The following B3GNT2 variants were observed in gnomAD, a reference collection of about 807,000 sequenced individuals.
B3GNT2 encodes the protein N-acetyllactosaminide beta-1,3-N-acetylglucosaminyltransferase 2.
A neutral mutation model predicts 27.6 loss-of-function variants in B3GNT2; 12 were observed. The ratio of observed to expected loss-of-function variants is 0.44; its 90% CI spans 0.28 to 0.71. The LOEUF is 0.71. Among genes scored for constraint, B3GNT2 ranks in the 30% least tolerant of loss-of-function variants. The pLI, the probability that B3GNT2 is intolerant of heterozygous loss-of-function variation, is 0.17. For missense variants in B3GNT2, 413 were observed against 488.5 expected (o/e 0.85, Z 1.46); for synonymous variants, 192 against 189.7 (o/e 1.01, Z -0.10).
intron 1 of B3GNT2, among the ~76,000 whole-genome samples, chr2:62,206,989 A>G (rs1674387887): frequency 6.6e-6 from 1 of 152,232 alleles, no homozygotes; most frequent in African/African-American, 2.4e-5. Flanking sequence ...TACTTAAAAT[A>G]CAATGTCATT....
At chr2:62,196,690 C>G (rs1203930209) in intron 1 of B3GNT2, among the ~76,000 whole-genome samples, 2 of 152,232 alleles carry the variant, frequency 1.3e-5, no homozygotes, top group African/African-American at 4.8e-5. Context: ...CCCTGGAGCC[C>G]GGGGACCTTC....
At position 62,224,021 on chromosome 2, in the gene B3GNT2, T is replaced by G. The variant is rs761826180; in HGVS notation, c.*607T>G. Reference sequence around the variant, plus strand: ...CAAAATGAGAATCATGGTGTGACACTCATCTAATTTATCTTGTTGTGATGT... The same window carrying G: ...CAAAATGAGAATCATGGTGTGACACGCATCTAATTTATCTTGTTGTGATGT... On this transcript the variant is annotated 3_prime_UTR_variant, in exon 2 of 2. Transcript: ENST00000301998. The G allele has an allele frequency of 1.2e-5, 2 of 167,178 alleles. No individual in the cohort carries two copies. The highest frequency in any genetic ancestry group is 6.5e-5 in the Admixed American group (1 of 15,294). The allele number at this position is 167,178 out of a possible 1,614,324, so 10.4% of individuals were successfully genotyped here.
At chr2:62,196,999 A>T (rs1263794368) in intron 1 of B3GNT2, among the ~76,000 whole-genome samples, 2 of 150,330 alleles carry the variant, frequency 1.3e-5, no homozygotes, top group African/African-American at 2.4e-5. Flanking sequence ...GGTTTCTGCC[A>T]AACTTAGGGA....
intron 1 of B3GNT2, among the ~76,000 whole-genome samples, chr2:62,219,104 A>G (rs1353794677): frequency 1.3e-5 from 2 of 152,170 alleles, no homozygotes; most frequent in Admixed American, 1.3e-4. Flanking sequence ...AACTTGTTAA[A>G]TTATCTGGAG....
At chr2:62,206,587 A>G (rs1163708151) in intron 1 of B3GNT2, among the ~76,000 whole-genome samples, 2 of 152,154 alleles carry the variant, frequency 1.3e-5, no homozygotes, top group African/African-American at 2.4e-5. Flanking sequence ...TTATTCTTGT[A>G]GAGACAGGAT....
At chr2:62,202,478 C>T (rs1674283535) in intron 1 of B3GNT2, among the ~76,000 whole-genome samples, 1 of 152,082 alleles carries the variant, frequency 6.6e-6, no homozygotes, top group Non-Finnish European at 1.5e-5. Flanking sequence ...GGCCATGATG[C>T]AATCTCGGGG....
chr2:62,209,200 T>C (rs1230103537), intron 1 of B3GNT2, among the ~76,000 whole-genome samples: 1 of 152,132 alleles, frequency 6.6e-6, no homozygotes, highest in Non-Finnish European at 1.5e-5. Context: ...GAATGGAAGC[T>C]ATAGACTGTG....
chr2:62,208,852 G>C (rs992094958), intron 1 of B3GNT2, among the ~76,000 whole-genome samples: 2 of 152,140 alleles, frequency 1.3e-5, no homozygotes, highest in Non-Finnish European at 2.9e-5. Context: ...GGAGTCCTTG[G>C]TGTGTCAGAC....
At chr2:62,212,855 G>T (rs1674506130) in intron 1 of B3GNT2, among the ~76,000 whole-genome samples, 1 of 152,004 alleles carries the variant, frequency 6.6e-6, no homozygotes, top group Admixed American at 6.6e-5. Flanking sequence ...TCTACCTGCT[G>T]GTTGAACCCA....
chr2:62,223,400 C>A lies in B3GNT2; in HGVS notation c.1180C>A (p.His394Asn). Residue 394 changes from histidine to asparagine, a missense_variant, in exon 2 of 2, where the codon CAT (histidine) becomes AAT (asparagine). Transcript: ENST00000301998. ...TATTTGGTCTCAGTTGCAGAGTGCT[C>A]ATTTAAAATGCTAAAATAGATACAA... ...IDIWSQLQSA[H>N]LKC The A allele has an allele frequency of 6.2e-7, 1 of 1,604,794 alleles. No individual in the cohort carries two copies. The highest frequency in any genetic ancestry group is 1.1e-5 in the South Asian group (1 of 89,968).
intron 1 of B3GNT2, among the ~76,000 whole-genome samples, chr2:62,217,915 C>T (rs1273697762): frequency 6.6e-6 from 1 of 152,202 alleles, no homozygotes; most frequent in Admixed American, 6.5e-5. Context: ...ACAAAACCAA[C>T]TGAAGTTTCA....
intron 1 of B3GNT2, chr2:62,221,872 A>G (rs576700714): frequency 7.5e-6 from 4 of 533,186 alleles, no homozygotes; most frequent in South Asian, 2.8e-5. Context: ...ATTTAGTAAT[A>G]GGTATTTCTA....
chr2:62,196,666 C>A (rs1475023717), intron 1 of B3GNT2, among the ~76,000 whole-genome samples: 1 of 152,246 alleles, frequency 6.6e-6, no homozygotes, highest in East Asian at 1.9e-4. Context: ...CCAACCCATT[C>A]CGTGCCCACC....
At chr2:62,214,945 C>T (rs1330894975) in intron 1 of B3GNT2, among the ~76,000 whole-genome samples, 1 of 152,192 alleles carries the variant, frequency 6.6e-6, no homozygotes, top group Non-Finnish European at 1.5e-5. Context: ...TTACTAAAGG[C>T]AGGGCAGAAT....
rs1460083892 is a variant in B3GNT2, at chr2:62,222,533, G to C, written c.313G>C (p.Val105Leu). 1 of 1,614,082 alleles carries C rather than the reference G, an allele frequency of 6.2e-7. No individual in the cohort carries two copies. Among genetic ancestry groups the C allele is most frequent in the East Asian group, 2.2e-5 (1 of 44,908 alleles). ...YCEPDLRVTS[V>L]VTGFNNLPDR... ...CGAACCTGACCTGAGGGTCACGTCG[G>C]TGGTTACGGGTTTTAACAACTTGCC... The change falls in exon 2 of 2, where the codon GTG becomes CTG. Residue 105 changes from valine to leucine, a missense_variant. Val to Leu is a conservative substitution (Grantham distance 32, BLOSUM62 1). Coordinates refer to ENST00000301998, the MANE Select transcript of B3GNT2 (RefSeq NM_006577.6). This position sits in a 1 kb window ranked among gnomAD's most constrained non-coding sequence, Gnocchi z 4.2.
At chr2:62,196,940 C>A (rs1490789764) in intron 1 of B3GNT2, among the ~76,000 whole-genome samples, 1 of 151,746 alleles carries the variant, frequency 6.6e-6, no homozygotes, top group Non-Finnish European at 1.5e-5. Flanking sequence ...CCGCTCCCCA[C>A]CCCCCACCCC....
At chr2:62,208,981 A>G (rs1275498591) in intron 1 of B3GNT2, among the ~76,000 whole-genome samples, 1 of 152,126 alleles carries the variant, frequency 6.6e-6, no homozygotes, top group African/African-American at 2.4e-5. Flanking sequence ...GGAAGAGGTG[A>G]CACATTGGCG....
chr2:62,210,768 C>CAA lies in B3GNT2; in HGVS notation c.-9-11437_-9-11436dup, dbSNP rs34197445. ...TGGATGACAGAGCAAGACTCCATCT[C>CAA]AAAAAAAATAATAATAATAATAGGA... On this transcript the variant is annotated intron_variant, in intron 1 of 1. Coordinates refer to ENST00000301998, the MANE Select transcript of B3GNT2 (RefSeq NM_006577.6). 5.1e-4 allele frequency among the ~76,000 whole-genome samples: 77 copies of CAA among 150,058 alleles called. 1 individual carries two copies. The highest frequency in any genetic ancestry group is 3.9e-3 in the East Asian group (20 of 5,106).
intron 1 of B3GNT2, among the ~76,000 whole-genome samples, chr2:62,210,952 C>CGTAATAT: frequency 6.6e-6 from 1 of 152,184 alleles, no homozygotes; most frequent in Admixed American, 6.5e-5. Flanking sequence ...GGGTTCCCTT[C>CGTAATAT]GTAATATGTT....
Sources: gnomAD v4.1 joint callset for allele counts (sites outside exome capture counted in the v4.1 genomes callset) on GRCh38, gnomAD v4.1.1 for gene constraint, Gnocchi (gnomAD v3.1) non-coding constraint, MANE v1.5 for transcripts, NCBI Gene and HGNC (gene_info 2026-07-23, HGNC 2026-07-21) for gene names.